Variants in MCAM observed in about 807,000 individuals in gnomAD.
MCAM encodes the protein cell surface glycoprotein MUC18.
MCAM carries 55 observed loss-of-function variants against 79.1 expected under a neutral mutation model. That is an observed-to-expected ratio of 0.70 (90% CI 0.56 to 0.87). MCAM has a LOEUF of 0.87. Among genes scored for constraint, MCAM ranks in the 40% least tolerant of loss-of-function variants. The pLI, the probability that MCAM is intolerant of heterozygous loss-of-function variation, is 0.00. For missense variants in MCAM, 745 were observed against 839.8 expected (o/e 0.89, Z 1.40); for synonymous variants, 330 against 339.8 (o/e 0.97, Z 0.32).
rs1950301638 is a variant in MCAM, at chr11:119,315,619, G to A, written c.68-356C>T. On this transcript the variant is annotated intron_variant, in intron 1 of 15. Coordinates refer to ENST00000264036, the MANE Select transcript of MCAM (RefSeq NM_006500.3). The surrounding 1 kb of genome is among the most constrained non-coding windows in gnomAD (Gnocchi z 4.4). ...CCGGGTGAGCTCAGAGTGTGGGAAT[G>A]CAAAGCATGTGCCAGGCTGGGGCAC... The A allele has an allele frequency of 3.6e-6, 1 of 276,446 alleles. No individual in the cohort carries two copies. Among genetic ancestry groups the A allele is most frequent in the South Asian group, 4.9e-5 (1 of 20,466 alleles). The allele number at this position is 276,446 out of a possible 1,614,324, so 17.1% of individuals were successfully genotyped here. A position where few individuals can be genotyped will look rare whatever the true frequency, so the allele number is the denominator to read the frequency against.
chr11:119,317,058 C>T lies in MCAM; in HGVS notation c.44G>A (p.Cys15Tyr). The T allele has an allele frequency of 6.5e-7, 1 of 1,535,074 alleles. No homozygotes were observed. Among genetic ancestry groups the T allele is most frequent in the Non-Finnish European group, 8.7e-7 (1 of 1,144,596 alleles). ...RLVCAFLLAA[C>Y]CCCPRVAGVP... Reference sequence around the variant, plus strand: ...ACCCGCGACGCGAGGACAGCAGCAGCAGGCGGCGAGCAAGAAGGCGCAGAC... The same window carrying T: ...ACCCGCGACGCGAGGACAGCAGCAGTAGGCGGCGAGCAAGAAGGCGCAGAC... Residue 15 changes from cysteine to tyrosine, a missense_variant, in exon 1 of 16, where the codon TGC (cysteine) becomes TAC (tyrosine). By Grantham distance (194) the Cys-to-Tyr change is radical. Transcript: ENST00000264036. The surrounding 1 kb of genome is among the most constrained non-coding windows in gnomAD (Gnocchi z 6.2).
chr11:119,310,667 T>C, intron 14 of MCAM, 89 bp downstream of exon 14: 1 of 1,439,116 alleles, frequency 6.9e-7, no homozygotes, highest in Non-Finnish European at 9.6e-7. Context: ...AGGGCCCCAC[T>C]CCTGCTGTCA....
rs1359888164 is a variant in MCAM at position 119,310,480 on chromosome 11, G to A, written c.1794-14C>T. ...GGGGGTAGCGTGCTGGGAGGAGGGA[G>A]GGAGGTGAGAGGTTGGTATCTCAGG... On this transcript the variant is annotated splice_polypyrimidine_tract_variant and intron_variant, in intron 14 of 15. Transcript: ENST00000264036. 3 of 1,542,446 alleles carry A rather than the reference G, an allele frequency of 1.9e-6. No individual in the cohort carries two copies. The South Asian group carries it at 3.4e-5, about 17-fold the overall frequency.
In MCAM at chr11:119,312,248, G is replaced by A. The variant is rs371222785; in HGVS notation, c.1024+18C>T. On this transcript the variant is annotated intron_variant, in intron 8 of 15. Transcript: ENST00000264036. The surrounding 1 kb of genome is among the most constrained non-coding windows in gnomAD (Gnocchi z 4.9). ...TGCCCCAGCCTGGTCCCCCTGTCCT[G>A]GGTCCCCAGCCCCTCACAGTTCACC... 5.6e-6 allele frequency: 9 copies of A among 1,613,600 alleles called. No individual in the cohort carries two copies. Among genetic ancestry groups the A allele is most frequent in the Non-Finnish European group, 2.5e-6 (3 of 1,179,670 alleles).
chr11:119,311,494 G>A lies in MCAM; in HGVS notation c.1407+36C>T, dbSNP rs369011657. Reference sequence around the variant, plus strand: ...GTCCTGGCCACAAAGCGCAGGCAGGGATTAGGAGAGTGTGGCAGATGAGAC... The same window carrying A: ...GTCCTGGCCACAAAGCGCAGGCAGGAATTAGGAGAGTGTGGCAGATGAGAC... On this transcript the variant is annotated intron_variant, in intron 11 of 15. Transcript: ENST00000264036. This position sits in a 1 kb window ranked among gnomAD's most constrained non-coding sequence, Gnocchi z 4.4. The A allele has an allele frequency of 4.5e-5, 73 of 1,614,000 alleles. No individual in the cohort carries two copies. Among genetic ancestry groups the A allele is most frequent in the Non-Finnish European group, 5.7e-5 (67 of 1,180,012 alleles).
rs1950251670 is a variant in MCAM, at chr11:119,312,620, C to T, written c.768G>A (p.Val256=). 9.9e-6 allele frequency: 16 copies of T among 1,614,178 alleles called. No individual in the cohort carries two copies. The highest frequency in any genetic ancestry group is 1.6e-4 in the Middle Eastern group (1 of 6,062). ...CTTCCTTCAGCATTCCCACGGGCTCCACTTCCAGCCACACTTTTTCTGTCG... is the reference window on the plus strand; with the variant it reads ...CTTCCTTCAGCATTCCCACGGGCTCTACTTCCAGCCACACTTTTTCTGTCG... ...FYPTEKVWLE[V]EPVGMLKEGD... Residue 256 remains valine (V), a synonymous_variant, in exon 7 of 16, where the codon GTG becomes GTA. Transcript: ENST00000264036. The surrounding 1 kb of genome is among the most constrained non-coding windows in gnomAD (Gnocchi z 4.9).
Position 119,312,222 on chromosome 11 carries a change from T to C in MCAM, c.1024+44A>G, listed in dbSNP as rs1018535793. On this transcript the variant is annotated intron_variant, in intron 8 of 15. Coordinates refer to ENST00000264036, the MANE Select transcript of MCAM (RefSeq NM_006500.3). The surrounding 1 kb of genome is among the most constrained non-coding windows in gnomAD (Gnocchi z 4.9). ...AGGGCAGGGTGGGGCCAGTTCCCTA[T>C]TGCCCCAGCCTGGTCCCCCTGTCCT... The C allele has an allele frequency of 3.1e-6, 5 of 1,611,928 alleles. No individual in the cohort carries two copies. Among genetic ancestry groups the C allele is most frequent in the Non-Finnish European group, 4.2e-6 (5 of 1,178,652 alleles).
In MCAM at chr11:119,311,923, A is replaced by G. The variant is rs138004967; in HGVS notation, c.1170T>C (p.Pro390=). 195 of 1,613,892 alleles carry G rather than the reference A, an allele frequency of 1.2e-4. No homozygotes were observed. The African/African-American group carries it at 2.4e-3, about 20-fold the overall frequency. Residue 390 remains proline (P), a synonymous_variant, in exon 10 of 16, where the codon CCT becomes CCC. Coordinates refer to ENST00000264036, the MANE Select transcript of MCAM (RefSeq NM_006500.3). The surrounding 1 kb of genome is among the most constrained non-coding windows in gnomAD (Gnocchi z 4.4). The part of the protein sequence containing the change: ...EETGQVLERG[P]VLQLHDLKRE... ...GTTTCAGGTCATGCAACTGAAGCAC[A>G]GGCCCCCTTTCCAGCACCTGGCCTG...
In MCAM at chr11:119,311,537, T is replaced by C; in HGVS notation, c.1400A>G (p.Asn467Ser). 6.2e-7 allele frequency: 1 copy of C among 1,614,112 alleles called. No individual in the cohort carries two copies. Among genetic ancestry groups the C allele is most frequent in the Non-Finnish European group, 8.5e-7 (1 of 1,179,996 alleles). The change falls in exon 11 of 16, where the codon AAC (asparagine) becomes AGC (serine). Residue 467 changes from asparagine (N) to serine (S), a missense_variant. By Grantham distance (46) the Asn-to-Ser change is conservative. Transcript: ENST00000264036. The surrounding 1 kb of genome is among the most constrained non-coding windows in gnomAD (Gnocchi z 4.4). Reference sequence around the variant, plus strand: ...GATGAGACACCCGCTCACCGTGCCGTTGACGTTCCAGGAGATGGTGGGCCG... The same window carrying C: ...GATGAGACACCCGCTCACCGTGCCGCTGACGTTCCAGGAGATGGTGGGCCG... Reference protein sequence around the residue: ...HPRPTISWNVNGTASEQDQDP... With the variant: ...HPRPTISWNVSGTASEQDQDP...
At position 119,317,038 on chromosome 11, in the gene MCAM, C is replaced by T. The variant is rs1429533158; in HGVS notation, c.64G>A (p.Ala22Thr). ...LAACCCCPRVAGVPGEAEQPA... is the reference protein window; with the variant it reads ...LAACCCCPRVTGVPGEAEQPA... Reference sequence around the variant, plus strand: ...GCCCCCCTGCGAGCGAACTCACCCGCGACGCGAGGACAGCAGCAGCAGGCG... The same window carrying T: ...GCCCCCCTGCGAGCGAACTCACCCGTGACGCGAGGACAGCAGCAGCAGGCG... The change falls in exon 1 of 16, where the codon GCG becomes ACG. Residue 22 changes from alanine (A) to threonine (T), a missense_variant. By Grantham distance (58) the Ala-to-Thr change is moderately conservative. Coordinates refer to ENST00000264036, the MANE Select transcript of MCAM (RefSeq NM_006500.3). This position sits in a 1 kb window ranked among gnomAD's most constrained non-coding sequence, Gnocchi z 6.2. 2 of 1,532,856 alleles carry T rather than the reference C, an allele frequency of 1.3e-6. No individual in the cohort carries two copies. The highest frequency in any genetic ancestry group is 5.0e-5 in the East Asian group (2 of 40,112). 95.0% of individuals were successfully genotyped at this position (1,532,856 alleles called of 1,614,324 possible).
Position 119,312,818 on chromosome 11 carries a change from T to G in MCAM, c.691A>C (p.Ser231Arg), listed in dbSNP as rs574572993. 8.7e-6 allele frequency: 14 copies of G among 1,614,078 alleles called. No individual in the cohort carries two copies. Among genetic ancestry groups the G allele is most frequent in the Non-Finnish European group, 1.0e-5 (12 of 1,180,024 alleles). The stretch of plus-strand genomic sequence containing the variant: ...CTGGACTCCTTCATGTGGTTCCCAC[T>G]GGGCAGCCGGTAGTTGAGCTCACAG... ...FYCELNYRLP[S>R]GNHMKESREV... The change falls in exon 6 of 16, where the codon AGT becomes CGT. Residue 231 changes from serine (S) to arginine (R), a missense_variant. Coordinates refer to ENST00000264036, the MANE Select transcript of MCAM (RefSeq NM_006500.3). The surrounding 1 kb of genome is among the most constrained non-coding windows in gnomAD (Gnocchi z 4.9).
rs1322595877 is a variant in MCAM at position 119,312,604 on chromosome 11, G to C, written c.784C>G (p.Leu262Val). Residue 262 changes from leucine to valine, a missense_variant, in exon 7 of 16, where the codon CTG becomes GTG. Leu to Val is a conservative substitution (Grantham distance 32). Transcript: ENST00000264036. The surrounding 1 kb of genome is among the most constrained non-coding windows in gnomAD (Gnocchi z 4.9). ...ATTTCCACGCGGTCCCCTTCCTTCA[G>C]CATTCCCACGGGCTCCACTTCCAGC... ...VWLEVEPVGM[L>V]KEGDRVEIRC... 1 of 1,614,140 alleles carries C rather than the reference G, an allele frequency of 6.2e-7. No individual in the cohort carries two copies. The highest frequency in any genetic ancestry group is 1.1e-5 in the South Asian group (1 of 91,086).
chr11:119,310,069 G>A (rs1833763180), intron 15 of MCAM, 154 bp from the exon 16 acceptor site: 1 of 699,956 alleles, frequency 1.4e-6, no homozygotes, highest in South Asian at 1.7e-5. Flanking sequence ...GCCAGGGAAG[G>A]AGGGCGGCCC....
chr11:119,310,987 A>G, intron 13 of MCAM, 84 bp from the exon 14 acceptor site: 1 of 1,613,666 alleles, frequency 6.2e-7, no homozygotes, highest in Non-Finnish European at 8.5e-7. Context: ...AGGGCCGACA[A>G]GATGGGGCTG....
Position 119,311,448 on chromosome 11 carries a change from A to C in MCAM, c.1408-27T>G. On this transcript the variant is annotated intron_variant, in intron 11 of 15. Transcript: ENST00000264036. This position sits in a 1 kb window ranked among gnomAD's most constrained non-coding sequence, Gnocchi z 4.4. Reference sequence around the variant, plus strand: ...TGCGAGGAAAGGAAGGAGGCAGCTCAGGGGATGGGGAGGATCTCTGGTCCT... The same window carrying C: ...TGCGAGGAAAGGAAGGAGGCAGCTCCGGGGATGGGGAGGATCTCTGGTCCT... 1 of 1,613,754 alleles carries C rather than the reference A, an allele frequency of 6.2e-7. No individual in the cohort carries two copies. Among genetic ancestry groups the C allele is most frequent in the Non-Finnish European group, 8.5e-7 (1 of 1,179,706 alleles).
In MCAM at chr11:119,310,689, G is replaced by A. The variant is rs988027778; in HGVS notation, c.1793+67C>T. ...CACTCCTGCTGTCAAGGGGCAGGCG[G>A]GCGCTGGGCAGGCAGCAGGCTGGGT... On this transcript the variant is annotated intron_variant, in intron 14 of 15. Coordinates refer to ENST00000264036, the MANE Select transcript of MCAM (RefSeq NM_006500.3). 6.5e-6 allele frequency: 10 copies of A among 1,549,230 alleles called. No homozygotes were observed. In the East Asian group the frequency reaches 1.8e-4, roughly 28 times the overall value.
Position 119,312,380 on chromosome 11 carries a change from C to G in MCAM, c.910G>C (p.Val304Leu), listed in dbSNP as rs2135340686. 6.2e-7 allele frequency: 1 copy of G among 1,614,104 alleles called. No individual in the cohort carries two copies. Among genetic ancestry groups the G allele is most frequent in the Middle Eastern group, 1.6e-4 (1 of 6,062 alleles). ...TTCCGGGCAGGCTCCAGCACCAGGACCCCGTTGTCGTTGGTTGTCTCTTCC... is the reference window on the plus strand; with the variant it reads ...TTCCGGGCAGGCTCCAGCACCAGGAGCCCGTTGTCGTTGGTTGTCTCTTCC... The part of the protein sequence containing the change: ...AEEETTNDNG[V>L]LVLEPARKEH... The change falls in exon 8 of 16, where the codon GTC becomes CTC. Residue 304 changes from valine (V) to leucine (L), a missense_variant. Val to Leu is a conservative substitution (Grantham distance 32). Coordinates refer to ENST00000264036, the MANE Select transcript of MCAM (RefSeq NM_006500.3). This position sits in a 1 kb window ranked among gnomAD's most constrained non-coding sequence, Gnocchi z 4.9.
intron 5 of MCAM, chr11:119,313,868 G>C (rs1358218120): frequency 2.6e-6 from 2 of 772,208 alleles, no homozygotes; most frequent in East Asian, 2.5e-4. Flanking sequence ...AGGAGGAGGG[G>C]GTACAAAATC....
At chr11:119,310,999 TACTC>T in intron 13 of MCAM, 87 bp downstream of exon 13, 1 of 1,613,856 alleles carries the variant, frequency 6.2e-7, no homozygotes, top group Non-Finnish European at 8.5e-7. Flanking sequence ...ATGGGGCTGC[TACTC>T]ACCTTTCTGG....
Sources: allele counts gnomAD v4.1 joint callset, GRCh38; gene constraint gnomAD v4.1.1; non-coding constraint Gnocchi (gnomAD v3.1); transcripts MANE v1.5; gene names NCBI Gene and HGNC (gene_info 2026-07-23, HGNC 2026-07-21).